The following KHDRBS2 variants were observed in gnomAD, a reference collection of about 807,000 sequenced individuals.
The protein encoded by KHDRBS2 is KH domain-containing, RNA-binding, signal transduction-associated protein 2.
Under a neutral mutation model 44.3 loss-of-function variants are expected in KHDRBS2, and 26 were observed. That is an observed-to-expected ratio of 0.59 (90% CI 0.43 to 0.81). The LOEUF (loss-of-function observed/expected upper bound fraction) is 0.81, where lower values mean the gene tolerates loss of function less well. KHDRBS2 is among the 40% of genes least tolerant of loss of function. KHDRBS2 has a pLI of 0.00. For synonymous variants in KHDRBS2, 194 were observed against 151.1 expected, an observed-to-expected ratio of 1.28 and a Z score of -2.08; for missense variants, 476 against 433.1, an observed-to-expected ratio of 1.10 and a Z score of -0.88.
At chr6:61,885,735 G>A (rs1800848431) in intron 6 of KHDRBS2, among the ~76,000 whole-genome samples, 1 of 152,084 alleles carries the variant, frequency 6.6e-6, no homozygotes, top group Non-Finnish European at 1.5e-5. Context: ...CCTGGGGATT[G>A]CAGATAAAAT....
the KHDRBS2 span, among the ~76,000 whole-genome samples, chr6:61,560,545 T>C: frequency 6.6e-6 from 1 of 152,198 alleles, no homozygotes; most frequent in Non-Finnish European, 1.5e-5. Flanking sequence ...AAATATCCTG[T>C]TCTTAAGCTC....
At chr6:62,057,208 T>C (rs866058855) in intron 2 of KHDRBS2, among the ~76,000 whole-genome samples, 1 of 152,062 alleles carries the variant, frequency 6.6e-6, no homozygotes, top group East Asian at 2.0e-4. Flanking sequence ...TGCTCAAAAG[T>C]ATTTACCTGT....
chr6:61,930,763 A>T (rs1285828493), intron 4 of KHDRBS2, among the ~76,000 whole-genome samples: 1 of 151,848 alleles, frequency 6.6e-6, no homozygotes, highest in Non-Finnish European at 1.5e-5. Context: ...ATGAAAATTA[A>T]TAAAGAGACT....
chr6:61,854,469 T>C (rs989853193), intron 6 of KHDRBS2, among the ~76,000 whole-genome samples: 22 of 152,256 alleles, frequency 1.4e-4, no homozygotes, highest in Non-Finnish European at 2.6e-4. Flanking sequence ...TCTTGAACCA[T>C]TAACTGGCAT....
At chr6:62,035,307 C>T (rs1172162897) in intron 3 of KHDRBS2, among the ~76,000 whole-genome samples, 2 of 151,842 alleles carry the variant, frequency 1.3e-5, no homozygotes, top group African/African-American at 4.8e-5. Flanking sequence ...TACTATTCAG[C>T]CACAAAAAAA....
At chr6:61,581,124 C>T in the KHDRBS2 span, among the ~76,000 whole-genome samples, 2 of 152,270 alleles carry the variant, frequency 1.3e-5, no homozygotes, top group South Asian at 2.1e-4. Flanking sequence ...AATACAAACT[C>T]TCTGCTTCAC....
intron 5 of KHDRBS2, 37 bp from the exon 6 acceptor site, chr6:61,894,870 T>A (rs761307047): frequency 5.4e-5 from 80 of 1,491,422 alleles, no homozygotes; most frequent in Non-Finnish European, 6.8e-5. Context: ...GAGAAACAGG[T>A]GATGAGAGAA....
At chr6:62,242,787 A>T (rs1313472864) in intron 1 of KHDRBS2, among the ~76,000 whole-genome samples, 4 of 152,196 alleles carry the variant, frequency 2.6e-5, no homozygotes, top group Non-Finnish European at 5.9e-5. Flanking sequence ...TTCAGAACTG[A>T]TGCTTTTCTT....
intron 1 of KHDRBS2, among the ~76,000 whole-genome samples, chr6:62,237,789 C>T (rs1833936051): frequency 6.6e-6 from 1 of 152,066 alleles, no homozygotes; most frequent in Admixed American, 6.6e-5. Flanking sequence ...GCCTCTAATC[C>T]CAGCACTTTG....
At position 62,037,490 on chromosome 6, in the gene KHDRBS2, T is replaced by A. The variant is rs190346839; in HGVS notation, c.336+10388A>T. Among the ~76,000 whole-genome samples, 35 of 151,666 alleles carry A rather than the reference T, an allele frequency of 2.3e-4. 1 individual carries two copies. The highest frequency in any genetic ancestry group is 2.2e-3 in the Admixed American group (33 of 15,166). On this transcript the variant is annotated intron_variant, in intron 3 of 8. Coordinates refer to ENST00000281156, the MANE Select transcript of KHDRBS2 (RefSeq NM_152688.4). ...GGCGAAAAAAAAAGAAAATGAAGAC[T>A]GGGAAAAAATATTCCATAAGAGTTT...
At position 61,945,108 on chromosome 6, in the gene KHDRBS2, AAAAAGTATATATATATAT is replaced by A. The variant is rs1196221573; in HGVS notation, c.483+32940_483+32957del. 1.0e-3 allele frequency among the ~76,000 whole-genome samples: 55 copies of A among 54,992 alleles called. 8 individuals carry two copies. In the Admixed American group the frequency reaches 0.012, roughly 12 times the overall value. 36.1% of individuals were successfully genotyped at this position (54,992 alleles called of 152,430 possible). On this transcript the variant is annotated intron_variant, in intron 4 of 8. Transcript: ENST00000281156. ...TCTGTCTTAAAAAAAAAAAAAAAAAAAAAAGTATATATATATATATATATATATATATATATATATATA... is the reference window on the plus strand; with the variant it reads ...TCTGTCTTAAAAAAAAAAAAAAAAAAATATATATATATATATATATATATA...
chr6:61,988,299 T>A (rs1159103789), intron 3 of KHDRBS2, among the ~76,000 whole-genome samples: 1 of 152,212 alleles, frequency 6.6e-6, no homozygotes, highest in Non-Finnish European at 1.5e-5. Context: ...GAAAAGTTGA[T>A]AGGTCTTCAC....
At chr6:62,113,859 G>C (rs1027940111) in intron 2 of KHDRBS2, among the ~76,000 whole-genome samples, 1 of 152,058 alleles carries the variant, frequency 6.6e-6, no homozygotes, top group Non-Finnish European at 1.5e-5. Context: ...CAACATTACT[G>C]TATTATTCCC....
chr6:61,964,817 C>T (rs1020856350), intron 4 of KHDRBS2, among the ~76,000 whole-genome samples: 2 of 152,076 alleles, frequency 1.3e-5, no homozygotes, highest in Non-Finnish European at 2.9e-5. Context: ...AGGAAAAGCA[C>T]TTAAACAGAT....
intron 4 of KHDRBS2, among the ~76,000 whole-genome samples, chr6:61,920,742 T>C (rs1262113532): frequency 2.6e-5 from 4 of 151,984 alleles, no homozygotes; most frequent in Non-Finnish European, 5.9e-5. Flanking sequence ...CCTAAAAAAG[T>C]GCAGTCAGAG....
At chr6:62,055,260 TAATAGATAA>T (rs983593097) in intron 2 of KHDRBS2, among the ~76,000 whole-genome samples, 27 of 152,012 alleles carry the variant, frequency 1.8e-4, no homozygotes, top group African/African-American at 6.5e-4. Context: ...AAAAAAGACT[TAATAGATAA>T]AGGATAAAGT....
At chr6:62,010,226 G>T (rs1368189467) in intron 3 of KHDRBS2, among the ~76,000 whole-genome samples, 1 of 152,176 alleles carries the variant, frequency 6.6e-6, no homozygotes, top group Non-Finnish European at 1.5e-5. Flanking sequence ...GGAGCTTAAA[G>T]ATTTGACTAC....
chr6:62,229,144 C>A (rs769296767), intron 1 of KHDRBS2, among the ~76,000 whole-genome samples: 1 of 152,200 alleles, frequency 6.6e-6, no homozygotes, highest in African/African-American at 2.4e-5. Flanking sequence ...ACTATGGTCA[C>A]CCCCTTCCCT....
Position 61,954,206 on chromosome 6 carries a change from C to T in KHDRBS2, c.483+23860G>A, listed in dbSNP as rs113948801. 9.5e-3 allele frequency among the ~76,000 whole-genome samples: 1,448 copies of T among 151,674 alleles called. 28 individuals are homozygous for T. Among genetic ancestry groups the T allele is most frequent in the African/African-American group, 0.034 (1,389 of 41,176 alleles). On this transcript the variant is annotated intron_variant, in intron 4 of 8. Coordinates refer to ENST00000281156, the MANE Select transcript of KHDRBS2 (RefSeq NM_152688.4). ...TCTGGGACTGTCTTGGTTTTTTCTA[C>T]AGTCTGATAACTCAGTCAATAGGGA...
Sources: allele counts gnomAD v4.1 joint callset (sites outside exome capture counted in the v4.1 genomes callset), GRCh38; gene constraint gnomAD v4.1.1; transcripts MANE v1.5; gene names NCBI Gene and HGNC (gene_info 2026-07-23, HGNC 2026-07-21).